Variants in EPB41L3 observed in about 807,000 individuals in gnomAD.
The protein encoded by EPB41L3 is erythrocyte membrane protein band 4.1 like 3.
In EPB41L3, 57 loss-of-function variants were observed where a neutral mutation model predicts 127.1. That is an observed-to-expected ratio of 0.45 (90% CI 0.36 to 0.56). EPB41L3 has a LOEUF of 0.56. Among genes scored for constraint, EPB41L3 ranks in the 20% least tolerant of loss-of-function variants. The probability of loss-of-function intolerance (pLI) is 0.00; values close to 1 mark genes in which losing one functional copy is unlikely to be tolerated. For missense variants in EPB41L3, 1,273 were observed against 1,372.2 expected (o/e 0.93, Z 1.14); for synonymous variants, 572 against 549.5 (o/e 1.04, Z -0.57).
chr18:5,580,405 CAT>C (rs758610463), intron 3 of EPB41L3, among the ~76,000 whole-genome samples: 9 of 151,968 alleles, frequency 5.9e-5, no homozygotes, highest in East Asian at 1.9e-4. Flanking sequence ...TGTATAGACA[CAT>C]ATATAGATAC....
chr18:5,588,550 C>T (rs1057045377), intron 3 of EPB41L3, among the ~76,000 whole-genome samples: 4 of 150,438 alleles, frequency 2.7e-5, no homozygotes, highest in Admixed American at 6.6e-5. Context: ...TATATATATA[C>T]ACATAAATCT....
chr18:5,437,649 T>C (rs2080058494), intron 6 of EPB41L3, among the ~76,000 whole-genome samples: 1 of 152,232 alleles, frequency 6.6e-6, no homozygotes, highest in African/African-American at 2.4e-5. Flanking sequence ...TGTGTGTGTA[T>C]GTGTTGGTTA....
intron 3 of EPB41L3, among the ~76,000 whole-genome samples, chr18:5,608,449 T>C (rs1270808251): frequency 6.6e-6 from 1 of 152,192 alleles, no homozygotes; most frequent in South Asian, 2.1e-4. Context: ...ACGCACATCA[T>C]ACACTGCAAC....
At chr18:5,622,253 A>T (rs1210993434) in intron 1 of EPB41L3, among the ~76,000 whole-genome samples, 1 of 152,234 alleles carries the variant, frequency 6.6e-6, no homozygotes, top group Non-Finnish European at 1.5e-5. Context: ...TTAACAAGGT[A>T]TGCATTATAT....
chr18:5,404,175 T>TA (rs907658806), intron 16 of EPB41L3, among the ~76,000 whole-genome samples: 14 of 152,202 alleles, frequency 9.2e-5, no homozygotes, highest in Admixed American at 9.2e-4. Flanking sequence ...CCCTGACACC[T>TA]AAAGAGATCC....
intron 2 of EPB41L3, 27 bp downstream of exon 2, chr18:5,488,974 G>C: frequency 6.4e-7 from 1 of 1,559,872 alleles, no homozygotes; most frequent in South Asian, 1.2e-5. Context: ...CAAACACTGC[G>C]TCATTAGTTT....
intron 3 of EPB41L3, among the ~76,000 whole-genome samples, chr18:5,599,031 C>T (rs953770638): frequency 2.6e-5 from 4 of 152,070 alleles, no homozygotes; most frequent in Non-Finnish European, 4.4e-5. Flanking sequence ...ATGCAGAATA[C>T]GATGCAGAAG....
chr18:5,493,659 C>T (rs992160170), intron 1 of EPB41L3, among the ~76,000 whole-genome samples: 2 of 152,152 alleles, frequency 1.3e-5, no homozygotes, highest in African/African-American at 4.8e-5. Flanking sequence ...TCACTTTCCA[C>T]TCTCCTACTC....
At chr18:5,496,982 T>C (rs2091246149) in intron 1 of EPB41L3, among the ~76,000 whole-genome samples, 1 of 152,196 alleles carries the variant, frequency 6.6e-6, no homozygotes, top group African/African-American at 2.4e-5. Context: ...AGCTGGCTGC[T>C]CTAGACTGGA....
chr18:5,624,724 C>A (rs1264654974), intron 1 of EPB41L3, among the ~76,000 whole-genome samples: 1 of 152,146 alleles, frequency 6.6e-6, no homozygotes, highest in African/African-American at 2.4e-5. Flanking sequence ...TACCGTGGAG[C>A]CCCCACTCCG....
intron 3 of EPB41L3, among the ~76,000 whole-genome samples, chr18:5,609,974 C>A (rs768478088): frequency 2.0e-5 from 3 of 152,194 alleles, no homozygotes; most frequent in Non-Finnish European, 4.4e-5. Flanking sequence ...ACCTCAGGAG[C>A]TTTCCCTCTC....
At chr18:5,544,797 T>C (rs930981068), upstream of EPB41L3, among the ~76,000 whole-genome samples, 3 of 152,202 alleles carry the variant, frequency 2.0e-5, no homozygotes, top group African/African-American at 7.2e-5. Flanking sequence ...AAAGTATAAT[T>C]GAATTGTAAC....
At chr18:5,505,447 C>T (rs991618310) in intron 1 of EPB41L3, among the ~76,000 whole-genome samples, 1 of 151,986 alleles carries the variant, frequency 6.6e-6, no homozygotes, top group East Asian at 1.9e-4. Context: ...CAGACCTCCA[C>T]CTAAACCCCT....
At chr18:5,442,375 T>C (rs2080906328) in intron 5 of EPB41L3, among the ~76,000 whole-genome samples, 1 of 152,168 alleles carries the variant, frequency 6.6e-6, no homozygotes. Context: ...AAACATACGG[T>C]AAAGATGTCT....
chr18:5,618,900 A>G (rs1377864910), intron 1 of EPB41L3, among the ~76,000 whole-genome samples: 1 of 152,166 alleles, frequency 6.6e-6, no homozygotes, highest in Non-Finnish European at 1.5e-5. Flanking sequence ...TTCCTATTGA[A>G]CCTCTCTCTG....
intron 3 of EPB41L3, among the ~76,000 whole-genome samples, chr18:5,460,743 G>T (rs2083857075): frequency 6.6e-6 from 1 of 152,176 alleles, no homozygotes; most frequent in African/African-American, 2.4e-5. Flanking sequence ...CACCTACCAA[G>T]TTGTTTTTGT....
intron 3 of EPB41L3, among the ~76,000 whole-genome samples, chr18:5,475,444 A>G (rs1353874479): frequency 2.0e-5 from 3 of 152,186 alleles, no homozygotes; most frequent in Non-Finnish European, 4.4e-5. Context: ...TGATTGAAAC[A>G]CAGCCCTGAA....
At chr18:5,583,766 G>A (rs1030389396) in intron 3 of EPB41L3, among the ~76,000 whole-genome samples, 1 of 151,978 alleles carries the variant, frequency 6.6e-6, no homozygotes, top group African/African-American at 2.4e-5. Flanking sequence ...AAATGCCTTT[G>A]AAACTTTCAA....
intron 9 of EPB41L3, among the ~76,000 whole-genome samples, chr18:5,428,013 C>T (rs1291046030): frequency 6.6e-6 from 1 of 152,016 alleles, no homozygotes; most frequent in Non-Finnish European, 1.5e-5. Flanking sequence ...CCCCGGCCTC[C>T]CAAAGTGCTG....
Sources: allele counts gnomAD v4.1 joint callset (sites outside exome capture counted in the v4.1 genomes callset), GRCh38; gene constraint gnomAD v4.1.1; transcripts MANE v1.5; gene names NCBI Gene and HGNC (gene_info 2026-07-23, HGNC 2026-07-21).